The following CHURC1 variants were observed in gnomAD, a reference collection of about 807,000 sequenced individuals.
The protein encoded by CHURC1 is churchill domain containing 1, also known as protein Churchill.
In CHURC1, 12 loss-of-function variants were observed where a neutral mutation model predicts 15.4. That is an observed-to-expected ratio of 0.78 (90% CI 0.50 to 1.27). The LOEUF is 1.27. Among genes scored for constraint, CHURC1 ranks in the 50% most tolerant of loss-of-function variants. CHURC1 has a pLI of 0.00. For synonymous variants in CHURC1, 42 were observed against 47.5 expected (o/e 0.88, Z 0.48); for missense variants, 132 against 137.8 (o/e 0.96, Z 0.21).
chr14:64,916,447 A>G (rs937428174), intron 1 of CHURC1, among the ~76,000 whole-genome samples: 1 of 152,208 alleles, frequency 6.6e-6, no homozygotes, highest in Admixed American at 6.5e-5. Flanking sequence ...GTACTTTACT[A>G]TGTACTATTT....
rs375521055 is a variant in CHURC1, at chr14:64,926,123, G to A, written c.246+43G>A. The A allele has an allele frequency of 1.7e-4, 241 of 1,401,460 alleles. 1 individual carries two copies. In the African/African-American group the frequency reaches 2.8e-3, roughly 16 times the overall value. The allele number at this position is 1,401,460 out of a possible 1,614,324, so 86.8% of individuals were successfully genotyped here. ...TATAAATATAAATATGGGGAGGTTA[G>A]GGGAATAATAAAAGTGCTCTTGAGA... On this transcript the variant is annotated intron_variant, in intron 3 of 3. Coordinates refer to ENST00000549115, the MANE Select transcript of CHURC1 (RefSeq NM_001386928.1).
intron 3 of CHURC1, 132 bp from the exon 4 acceptor site, chr14:64,932,006 T>C: frequency 1.8e-6 from 2 of 1,139,448 alleles, no homozygotes; most frequent in Non-Finnish European, 1.2e-6. Context: ...TGCTGATACA[T>C]GTTGAAGAAA....
At chr14:64,929,147 C>T (rs1479189111) in intron 3 of CHURC1, among the ~76,000 whole-genome samples, 1 of 152,204 alleles carries the variant, frequency 6.6e-6, no homozygotes, top group Non-Finnish European at 1.5e-5. Context: ...TCTTCTTAAA[C>T]ATGTCATCCT....
Position 64,934,736 on chromosome 14 carries a change from C to A in CHURC1, c.*2506C>A. 1 of 985,330 alleles carries A rather than the reference C, an allele frequency of 1.0e-6. No individual in the cohort carries two copies. Among genetic ancestry groups the A allele is most frequent in the Non-Finnish European group, 1.2e-6 (1 of 829,906 alleles). The allele number at this position is 985,330 out of a possible 1,614,324, so 61.0% of individuals were successfully genotyped here. ...AGCCCATTATAGCCTCTGAATTGTC[C>A]CTTCCTTGAGTTTGCTAATGCTTCC... On this transcript the variant is annotated 3_prime_UTR_variant, in exon 4 of 4. Transcript: ENST00000549115.
chr14:64,917,208 GAT>G (rs917499359), intron 1 of CHURC1, among the ~76,000 whole-genome samples: 1 of 152,044 alleles, frequency 6.6e-6, no homozygotes. Flanking sequence ...AAGGCAGGTG[GAT>G]CACTTGAGCC....
chr14:64,934,273 G>A lies in CHURC1; in HGVS notation c.*2043G>A, dbSNP rs1048628138. ...CTGAACAGGAGAATCGCTTGAACCC[G>A]CGACAGGGAGGTTGTGATGAGCCAA... On this transcript the variant is annotated 3_prime_UTR_variant, in exon 4 of 4. Transcript: ENST00000549115. 4 of 351,288 alleles carry A rather than the reference G, an allele frequency of 1.1e-5. No individual in the cohort carries two copies. The highest frequency in any genetic ancestry group is 6.4e-5 in the Admixed American group (1 of 15,506). 21.8% of individuals were successfully genotyped at this position (351,288 alleles called of 1,614,324 possible).
At position 64,932,376 on chromosome 14, in the gene CHURC1, A is replaced by G; in HGVS notation, c.*146A>G. On this transcript the variant is annotated 3_prime_UTR_variant, in exon 4 of 4. Transcript: ENST00000549115. ...TACTTATTCTTTGAGGAAAAAAGGT[A>G]ATGTAGGAGCTCATTGTTCTCTAGA... 4.2e-6 allele frequency: 6 copies of G among 1,422,760 alleles called. No homozygotes were observed. Among genetic ancestry groups the G allele is most frequent in the Non-Finnish European group, 4.6e-6 (5 of 1,086,540 alleles). The allele number at this position is 1,422,760 out of a possible 1,614,324, so 88.1% of individuals were successfully genotyped here.
chr14:64,931,835 T>C (rs1885094882), intron 3 of CHURC1, among the ~76,000 whole-genome samples: 1 of 152,264 alleles, frequency 6.6e-6, no homozygotes, highest in Admixed American at 6.5e-5. Flanking sequence ...AATAGGAATT[T>C]GTCCATAGGG....
chr14:64,926,255 C>T (rs1419303003), intron 3 of CHURC1, among the ~76,000 whole-genome samples, 175 bp downstream of exon 3: 1 of 144,886 alleles, frequency 6.9e-6, no homozygotes, highest in Non-Finnish European at 1.5e-5. Context: ...CTATGTTGCC[C>T]AGGCTGGTAT....
chr14:64,925,955 A>T, intron 2 of CHURC1, 55 bp from the exon 3 acceptor site: 1 of 1,300,112 alleles, frequency 7.7e-7, no homozygotes, highest in Middle Eastern at 2.0e-4. Context: ...TTTTAATAGA[A>T]GTTTTAAGAA....
Position 64,927,823 on chromosome 14 carries a change from C to T in CHURC1, c.246+1743C>T, listed in dbSNP as rs183177905. On this transcript the variant is annotated intron_variant, in intron 3 of 3. Coordinates refer to ENST00000549115, the MANE Select transcript of CHURC1 (RefSeq NM_001386928.1). ...CAGTGGTGTGTGCCTATAGTTCGAG[C>T]TACTCAGGAGACTGAGGCAGGAGAA... 9.7e-4 allele frequency among the ~76,000 whole-genome samples: 146 copies of T among 150,102 alleles called. 1 individual carries two copies. Among genetic ancestry groups the T allele is most frequent in the Non-Finnish European group, 1.6e-3 (111 of 67,792 alleles).
At chr14:64,927,732 T>TCCCCCCCCCCCCCCCC (rs1566830855) in intron 3 of CHURC1, among the ~76,000 whole-genome samples, 20 of 106,654 alleles carry the variant, frequency 1.9e-4, no homozygotes, top group East Asian at 2.6e-4. Context: ...CCCCCCGCCG[T>TCCCCCCCCCCCCCCCC]CAATTCATAC....
rs1358972468 is a variant in CHURC1 at position 64,934,574 on chromosome 14, C to G, written c.*2344C>G. 3 of 985,290 alleles carry G rather than the reference C, an allele frequency of 3.0e-6. No individual in the cohort carries two copies. The highest frequency in any genetic ancestry group is 2.4e-6 in the Non-Finnish European group (2 of 829,940). The allele number at this position is 985,290 out of a possible 1,614,324, so 61.0% of individuals were successfully genotyped here. On this transcript the variant is annotated 3_prime_UTR_variant, in exon 4 of 4. Transcript: ENST00000549115. ...TTCAGAAAAGTTAAGTCAGCTGTTG[C>G]AGGGATCAGTTGTTTTATTCCTGGA...
In CHURC1 at chr14:64,919,815, C is replaced by T. The variant is rs566244052; in HGVS notation, c.40-4176C>T. Among the ~76,000 whole-genome samples the T allele has an allele frequency of 3.3e-5, 5 of 151,628 alleles. No homozygotes were observed. In the South Asian group the frequency reaches 6.2e-4, roughly 19 times the overall value. Reference sequence around the variant, plus strand: ...GAGACAATCACTTGAACCCAGGAGGCGGAGGTTGCAGTGAGCCAAGATTGC... The same window carrying T: ...GAGACAATCACTTGAACCCAGGAGGTGGAGGTTGCAGTGAGCCAAGATTGC... On this transcript the variant is annotated intron_variant, in intron 1 of 3. Coordinates refer to ENST00000549115, the MANE Select transcript of CHURC1 (RefSeq NM_001386928.1).
chr14:64,933,367 G>C lies in CHURC1; in HGVS notation c.*1137G>C, dbSNP rs1370648608. On this transcript the variant is annotated 3_prime_UTR_variant, in exon 4 of 4. Transcript: ENST00000549115. ...TGTGGACTTCAGTTAATATAAATGA[G>C]AAAATGGTTTCATTGGCTTTAAAGG... 7 of 985,316 alleles carry C rather than the reference G, an allele frequency of 7.1e-6. No homozygotes were observed. The highest frequency in any genetic ancestry group is 8.4e-6 in the Non-Finnish European group (7 of 829,832). 61.0% of individuals were successfully genotyped at this position (985,316 alleles called of 1,614,324 possible).
At chr14:64,929,536 TAGTTCA>T (rs995234560) in intron 3 of CHURC1, among the ~76,000 whole-genome samples, 29 of 151,922 alleles carry the variant, frequency 1.9e-4, no homozygotes, top group African/African-American at 5.3e-4. Flanking sequence ...ATCCTGGCAG[TAGTTCA>T]AGTTCAAGGT....
intron 2 of CHURC1, among the ~76,000 whole-genome samples, chr14:64,925,503 C>T (rs1259283524): frequency 1.3e-5 from 2 of 151,876 alleles, no homozygotes; most frequent in African/African-American, 4.8e-5. Flanking sequence ...TGAGACCTCA[C>T]CTCTACAAAA....
At chr14:64,921,187 A>G (rs560078335) in intron 1 of CHURC1, among the ~76,000 whole-genome samples, 3 of 152,344 alleles carry the variant, frequency 2.0e-5, no homozygotes, top group Non-Finnish European at 2.9e-5. Context: ...TACCTCATAT[A>G]TAAAATTATT....
chr14:64,919,185 A>G (rs906999796), intron 1 of CHURC1, among the ~76,000 whole-genome samples: 9 of 152,230 alleles, frequency 5.9e-5, no homozygotes, highest in African/African-American at 2.2e-4. Context: ...TTCTAAAATT[A>G]CTGAACAGGC....
Sources: gnomAD v4.1 joint callset for allele counts (sites outside exome capture counted in the v4.1 genomes callset) on GRCh38, gnomAD v4.1.1 for gene constraint, MANE v1.5 for transcripts, NCBI Gene and HGNC (gene_info 2026-07-23, HGNC 2026-07-21) for gene names.